The following MYO1A variants were observed in gnomAD, a reference collection of about 807,000 sequenced individuals.
MYO1A encodes the protein unconventional myosin-Ia.
A neutral mutation model predicts 138.5 loss-of-function variants in MYO1A; 127 were observed. The observed-to-expected ratio is 0.92, with a 90% confidence interval of 0.79 to 1.06. MYO1A has a LOEUF of 1.06. MYO1A is among the 50% of genes least tolerant of loss of function. The pLI is 0.00. For synonymous variants in MYO1A, 477 were observed against 497.5 expected (o/e 0.96, Z 0.55); for missense variants, 1,211 against 1,288.8 (o/e 0.94, Z 0.92).
At position 57,029,589 on chromosome 12, in the gene MYO1A, TAGGGACGGAACA is replaced by T; in HGVS notation, c.2725-14_2725-3del. ...CAGGAGGAGAATCCGAGAAGAAGTC[TAGGGACGGAACA>T]GGCAAGGGTGAGGAAAGGCAGGATT... On this transcript the variant is annotated splice_region_variant and splice_polypyrimidine_tract_variant and intron_variant, in intron 25 of 27. Transcript: ENST00000300119. The T allele has an allele frequency of 1.2e-6, 2 of 1,614,154 alleles. No homozygotes were observed. Among genetic ancestry groups the T allele is most frequent in the Non-Finnish European group, 1.7e-6 (2 of 1,180,040 alleles).
rs142606281 is a variant in MYO1A at position 57,041,194 on chromosome 12, T to A, written c.1259A>T (p.Tyr420Phe). 343 of 1,612,548 alleles carry A rather than the reference T, an allele frequency of 2.1e-4. No individual in the cohort carries two copies. Among genetic ancestry groups the A allele is most frequent in the Non-Finnish European group, 2.7e-4 (320 of 1,179,634 alleles). The change falls in exon 14 of 28, where the codon TAT becomes TTT. Residue 420 changes from tyrosine (Y) to phenylalanine (F), a missense_variant. Transcript: ENST00000300119. ...AAAGACTTGGTTTACTTCTCTCTTA[T>A]ATTCCTCTTGCTCTTCTTTCAGGGT... ...EMTLKEEQEE[Y>F]KREGIPWTKV...
intron 7 of MYO1A, 84 bp downstream of exon 7, chr12:57,046,779 C>A: frequency 1.3e-6 from 2 of 1,545,408 alleles, no homozygotes; most frequent in South Asian, 1.1e-5. Context: ...GTCTAACATT[C>A]TGCCTTTCTA....
intron 12 of MYO1A, among the ~76,000 whole-genome samples, chr12:57,042,303 G>C (rs192040885): frequency 2.0e-5 from 3 of 152,312 alleles, no homozygotes; most frequent in East Asian, 1.9e-4. Flanking sequence ...CAATCTTGAA[G>C]CATGTATCAG....
chr12:57,047,771 C>T (rs1181959147), intron 3 of MYO1A, 50 bp from the exon 4 acceptor site: 5 of 1,609,116 alleles, frequency 3.1e-6, no homozygotes, highest in Non-Finnish European at 4.2e-6. Flanking sequence ...GTTCAAGACA[C>T]CATCTTTCAC....
chr12:57,041,202 T>C lies in MYO1A; in HGVS notation c.1251A>G (p.Gln417=), dbSNP rs1181454808. 4 of 1,613,296 alleles carry C rather than the reference T, an allele frequency of 2.5e-6. No homozygotes were observed. The highest frequency in any genetic ancestry group is 2.2e-5 in the East Asian group (1 of 44,880). ...GGTTTACTTCTCTCTTATATTCCTC[T>C]TGCTCTTCTTTCAGGGTCATCTCTA... is the stretch of plus-strand genomic sequence containing the variant. ...VFIEMTLKEE[Q]EEYKREGIPW... Residue 417 remains glutamine (Q), a synonymous_variant, in exon 14 of 28, where the codon CAA becomes CAG. Coordinates refer to ENST00000300119, the MANE Select transcript of MYO1A (RefSeq NM_005379.4).
At chr12:57,038,142 T>A in intron 17 of MYO1A, 73 bp from the exon 18 acceptor site, 1 of 1,531,714 alleles carries the variant, frequency 6.5e-7, no homozygotes, top group Non-Finnish European at 9.0e-7. Flanking sequence ...CATATTCCCC[T>A]ATGCTGCACA....
intron 22 of MYO1A, among the ~76,000 whole-genome samples, chr12:57,035,288 T>C (rs2030481957): frequency 6.6e-6 from 1 of 152,162 alleles, no homozygotes; most frequent in Non-Finnish European, 1.5e-5. Flanking sequence ...GCAGACACTC[T>C]GGCACCAGCA....
At chr12:57,043,020 C>A in intron 12 of MYO1A, 52 bp downstream of exon 12, 1 of 1,579,408 alleles carries the variant, frequency 6.3e-7, no homozygotes, top group East Asian at 2.2e-5. Flanking sequence ...GGTGACAGGG[C>A]AGGAAGGTGA....
In MYO1A at chr12:57,037,466, C is replaced by G. The variant is rs141346283; in HGVS notation, c.2055+82G>C. On this transcript the variant is annotated intron_variant, in intron 19 of 27. Transcript: ENST00000300119. ...ACAGTGATCCATTCCAGGTTATACA[C>G]GCTCCCTCCCCCTCCAGCCTTTCTC... The G allele has an allele frequency of 0.015, 17,970 of 1,220,290 alleles. 178 individuals carry two copies. Among genetic ancestry groups the G allele is most frequent in the Non-Finnish European group, 0.018 (14,526 of 821,584 alleles). 75.6% of individuals were successfully genotyped at this position (1,220,290 alleles called of 1,614,324 possible).
chr12:57,032,597 C>T (rs147590799), intron 22 of MYO1A, among the ~76,000 whole-genome samples: 213 of 152,180 alleles, frequency 1.4e-3, no homozygotes, highest in African/African-American at 4.9e-3. Flanking sequence ...ACAGGAGAAT[C>T]GCTTGAACCC....
Position 57,043,079 on chromosome 12 carries a change from C to A in MYO1A, c.1091G>T (p.Ser364Ile). Reference sequence around the variant, plus strand: ...AGCAGAGCGGCCACTTGCCTTGATGCTCTCATTGATTCGATTCACTATCCA... The same window carrying A: ...AGCAGAGCGGCCACTTGCCTTGATGATCTCATTGATTCGATTCACTATCCA... ...FDWIVNRINE[S>I]IKVGIGEKKK... The change falls in exon 12 of 28, where the codon AGC becomes ATC. Residue 364 changes from serine to isoleucine, a missense_variant. By Grantham distance (142) the Ser-to-Ile change is moderately radical. Transcript: ENST00000300119. 6.2e-7 allele frequency: 1 copy of A among 1,614,138 alleles called. No individual in the cohort carries two copies.
At chr12:57,044,876 A>G (rs1403357146) in intron 8 of MYO1A, among the ~76,000 whole-genome samples, 1 of 152,164 alleles carries the variant, frequency 6.6e-6, no homozygotes, top group Non-Finnish European at 1.5e-5. Context: ...GGTGAAGGTA[A>G]GGGGAGAAGG....
chr12:57,029,545 G>A lies in MYO1A; in HGVS notation c.2767C>T (p.Leu923Phe). 3.1e-6 allele frequency: 5 copies of A among 1,614,162 alleles called. No homozygotes were observed. The highest frequency in any genetic ancestry group is 1.3e-5 in the African/African-American group (1 of 75,062). Residue 923 changes from leucine to phenylalanine, a missense_variant, in exon 26 of 28, where the codon CTC (leucine) becomes TTC (phenylalanine). Leu to Phe is a conservative substitution (Grantham distance 22). Transcript: ENST00000300119. The part of the protein sequence containing the change: ...ILLLTKGHVI[L>F]TDTKKSQAKI... ...GCCTGGGACTTCTTGGTGTCTGTGA[G>A]AATCACATGGCCCTTGGTCAGGAGG... is the stretch of plus-strand genomic sequence containing the variant.
In MYO1A at chr12:57,029,770, G is replaced by A. The variant is rs748197044; in HGVS notation, c.2694C>T (p.Ala898=). The A allele has an allele frequency of 1.4e-5, 23 of 1,613,980 alleles. No homozygotes were observed. Among genetic ancestry groups the A allele is most frequent in the East Asian group, 2.2e-5 (1 of 44,882 alleles). The change falls in exon 25 of 28, where the codon GCC becomes GCT. Residue 898 remains alanine (A), a synonymous_variant. Coordinates refer to ENST00000300119, the MANE Select transcript of MYO1A (RefSeq NM_005379.4). The part of the protein sequence containing the change: ...GEEGPVLMAE[A]VKKVNRGNGK... ...CATTGCCACGATTGACCTTCTTCAC[G>A]GCCTCTGCCATCAGAACAGGCCCCT...
intron 22 of MYO1A, among the ~76,000 whole-genome samples, chr12:57,032,145 C>A (rs749050461): frequency 6.6e-6 from 1 of 152,226 alleles, no homozygotes; most frequent in Non-Finnish European, 1.5e-5. Flanking sequence ...GATTGCCTCT[C>A]CTTTCTTTGA....
rs1322487931 is a variant in MYO1A at position 57,048,357 on chromosome 12, GCA to G, written c.-20-16_-20-15del. ...GGGCCACTGATCCTGGGAATAAGAG[GCA>G]CAGTTTGCTGATGTCCACTCAGCTT... is the stretch of plus-strand genomic sequence containing the variant. On this transcript the variant is annotated splice_polypyrimidine_tract_variant and intron_variant, in intron 1 of 27. Coordinates refer to ENST00000300119, the MANE Select transcript of MYO1A (RefSeq NM_005379.4). The G allele has an allele frequency of 6.7e-6, 10 of 1,495,900 alleles. No homozygotes were observed. The highest frequency in any genetic ancestry group is 2.3e-5 in the East Asian group (1 of 44,222). 92.7% of individuals were successfully genotyped at this position (1,495,900 alleles called of 1,614,324 possible).
chr12:57,028,956 C>T (rs1053291125), intron 27 of MYO1A, 75 bp from the exon 28 acceptor site: 3 of 1,598,864 alleles, frequency 1.9e-6, no homozygotes, highest in South Asian at 2.2e-5. Flanking sequence ...GATGGCCCCC[C>T]CATCATGCGA....
intron 5 of MYO1A, 36 bp from the exon 6 acceptor site, chr12:57,047,143 A>G (rs1254954279): frequency 6.2e-7 from 1 of 1,612,618 alleles, no homozygotes; most frequent in Non-Finnish European, 8.5e-7. Context: ...GAAACTCTAG[A>G]GAAGGGAAAG....
intron 22 of MYO1A, among the ~76,000 whole-genome samples, chr12:57,033,392 C>T (rs1037308576): frequency 5.3e-5 from 8 of 152,144 alleles, no homozygotes; most frequent in African/African-American, 1.7e-4. Context: ...TTTGCTCTGT[C>T]GCCCAGGCTG....
Sources: gnomAD v4.1 joint callset for allele counts (sites outside exome capture counted in the v4.1 genomes callset) on GRCh38, gnomAD v4.1.1 for gene constraint, MANE v1.5 for transcripts, NCBI Gene and HGNC (gene_info 2026-07-23, HGNC 2026-07-21) for gene names.